Variants in LRP12 observed in about 807,000 individuals in gnomAD.
LRP12 encodes the protein low-density lipoprotein receptor-related protein 12.
A neutral mutation model predicts 66.0 loss-of-function variants in LRP12; 14 were observed. The ratio of observed to expected loss-of-function variants is 0.21; its 90% CI spans 0.14 to 0.33. The LOEUF is 0.33. LRP12 is among the 10% of genes least tolerant of loss of function. The probability of loss-of-function intolerance (pLI) is 1.00; values close to 1 mark genes in which losing one functional copy is unlikely to be tolerated. For missense variants in LRP12, 889 were observed against 1,053.4 expected (o/e 0.84, Z 2.16); for synonymous variants, 357 against 359.1 (o/e 0.99, Z 0.07).
chr8:104,546,358 T>C (rs1181001782), intron 1 of LRP12, among the ~76,000 whole-genome samples: 4 of 152,088 alleles, frequency 2.6e-5, no homozygotes, highest in Non-Finnish European at 5.9e-5. Context: ...ACACAAAACA[T>C]TTCCATAACC....
Position 104,497,646 on chromosome 8 carries a change from A to G in LRP12, c.906T>C (p.Thr302=). 1 of 1,614,188 alleles carries G rather than the reference A, an allele frequency of 6.2e-7. No individual in the cohort carries two copies. Among genetic ancestry groups the G allele is most frequent in the Middle Eastern group, 1.6e-4 (1 of 6,062 alleles). Residue 302 remains threonine (T), a synonymous_variant, in exon 5 of 7, where the codon ACT becomes ACC. Transcript: ENST00000276654. This position sits in a 1 kb window ranked among gnomAD's most constrained non-coding sequence, Gnocchi z 4.3. ...AACCAGTACCATCAAGTTTAAAGTC[A>G]GTGAAGCGTAAAATGACTTTACGGT... ...GDHRKVILRF[T]DFKLDGTGYG...
chr8:104,498,407 A>G (rs1465095100), intron 4 of LRP12, among the ~76,000 whole-genome samples: 2 of 150,578 alleles, frequency 1.3e-5, no homozygotes, highest in Non-Finnish European at 1.5e-5. Context: ...GCCACAATAA[A>G]TCTGGGGCCT....
chr8:104,494,667 T>G (rs956993296), intron 6 of LRP12, among the ~76,000 whole-genome samples: 2 of 152,170 alleles, frequency 1.3e-5, no homozygotes, highest in Non-Finnish European at 2.9e-5. Flanking sequence ...AAGATGTTTT[T>G]CCTGAGGTAG....
At chr8:104,512,050 A>G (rs1811007324) in intron 2 of LRP12, among the ~76,000 whole-genome samples, 1 of 152,192 alleles carries the variant, frequency 6.6e-6, no homozygotes, top group South Asian at 2.1e-4. Flanking sequence ...GTTTTCTTCC[A>G]CTTTACTCTG....
intron 1 of LRP12, among the ~76,000 whole-genome samples, chr8:104,583,080 G>A (rs2140902206): frequency 6.6e-6 from 1 of 152,144 alleles, no homozygotes; most frequent in East Asian, 1.9e-4. Flanking sequence ...CCAAGCTCCT[G>A]TTATCTCTCA....
At chr8:104,581,460 T>C (rs1315192662) in intron 1 of LRP12, among the ~76,000 whole-genome samples, 3 of 151,980 alleles carry the variant, frequency 2.0e-5, no homozygotes, top group Admixed American at 6.6e-5. Flanking sequence ...GTAATAATTG[T>C]GTACAACAAA....
chr8:104,519,130 T>C (rs1258196663), intron 2 of LRP12, among the ~76,000 whole-genome samples: 4 of 152,102 alleles, frequency 2.6e-5, no homozygotes, highest in African/African-American at 9.7e-5. Flanking sequence ...GTCCTCTTCC[T>C]GTATCTTGAC....
intron 1 of LRP12, among the ~76,000 whole-genome samples, chr8:104,556,085 T>C (rs994762180): frequency 5.9e-5 from 9 of 152,080 alleles, no homozygotes; most frequent in African/African-American, 1.9e-4. Flanking sequence ...GAAATCAAGA[T>C]GGAAATTTAA....
chr8:104,544,026 T>G (rs79852994), intron 1 of LRP12, among the ~76,000 whole-genome samples: 3,639 of 152,272 alleles, frequency 0.024, 107 homozygotes, highest in African/African-American at 0.065. Flanking sequence ...AAGTTGTGTA[T>G]GCAAAAGAAA....
At chr8:104,542,994 A>AATATAAATATATATATATATAT (rs544043214) in intron 1 of LRP12, among the ~76,000 whole-genome samples, 10 of 144,114 alleles carry the variant, frequency 6.9e-5, no homozygotes, top group African/African-American at 2.3e-4. Context: ...AACACACACA[A>AATATAAATATATATATATATAT]ATATATATAT....
At chr8:104,564,284 TA>T (rs1168044457) in intron 1 of LRP12, among the ~76,000 whole-genome samples, 2 of 152,172 alleles carry the variant, frequency 1.3e-5, no homozygotes, top group Non-Finnish European at 2.9e-5. Flanking sequence ...AGGGATCTGT[TA>T]AAATGAAGAT....
At chr8:104,544,904 G>A (rs908743668) in intron 1 of LRP12, among the ~76,000 whole-genome samples, 1 of 152,102 alleles carries the variant, frequency 6.6e-6, no homozygotes, top group African/African-American at 2.4e-5. Flanking sequence ...CTATTATTTA[G>A]GAAACACATT....
Position 104,588,961 on chromosome 8 carries a change from A to ACGCCGCCGCCGCCGCCGC in LRP12, c.-65_-64insGCGGCGGCGGCGGCGGCG, listed in dbSNP as rs1408393432. 2.1e-6 allele frequency: 2 copies of ACGCCGCCGCCGCCGCCGC among 963,692 alleles called. No homozygotes were observed. The highest frequency in any genetic ancestry group is 6.9e-5 in the Admixed American group (2 of 28,910). 59.7% of individuals were successfully genotyped at this position (963,692 alleles called of 1,614,324 possible). A position where few individuals can be genotyped will look rare whatever the true frequency, so the allele number is the denominator to read the frequency against. ...AGGAGGGAGGAGAAGCTGGAGGTAGACGACGCCGACGCCGCCGCCGCCGCC... is the reference window on the plus strand; with the variant it reads ...AGGAGGGAGGAGAAGCTGGAGGTAGACGCCGCCGCCGCCGCCGCCGACGCCGACGCCGCCGCCGCCGCC... On this transcript the variant is annotated 5_prime_UTR_variant, in exon 1 of 7. Transcript: ENST00000276654.
chr8:104,553,376 T>C (rs1221277853), intron 1 of LRP12, among the ~76,000 whole-genome samples: 3 of 152,126 alleles, frequency 2.0e-5, no homozygotes, highest in African/African-American at 7.2e-5. Flanking sequence ...ACCGGCTGCC[T>C]GGAAATAAAC....
intron 4 of LRP12, among the ~76,000 whole-genome samples, chr8:104,498,693 G>A (rs931523476): frequency 2.8e-4 from 43 of 152,174 alleles, no homozygotes; most frequent in African/African-American, 9.7e-4. Flanking sequence ...ATCAACGTAT[G>A]TGTGTATGTA....
At chr8:104,525,828 C>A (rs1356670260) in intron 2 of LRP12, among the ~76,000 whole-genome samples, 1 of 152,084 alleles carries the variant, frequency 6.6e-6, no homozygotes, top group South Asian at 2.1e-4. Flanking sequence ...GAAATTCTGG[C>A]CAGGGCAATT....
rs145108793 is a variant in LRP12, at chr8:104,511,517, CT to C, written c.137-2444del. Among the ~76,000 whole-genome samples, 19 of 151,808 alleles carry C rather than the reference CT, an allele frequency of 1.3e-4. No individual in the cohort carries two copies. The East Asian group carries it at 3.5e-3, about 28-fold the overall frequency. On this transcript the variant is annotated intron_variant, in intron 2 of 6. Transcript: ENST00000276654. ...AAGAGCATGCCACCATGCATGGCAA[CT>C]TTTTTTTGTTTTTGTTTTTGTTTTC... is the stretch of plus-strand genomic sequence containing the variant.
chr8:104,563,439 T>A (rs1332251832), intron 1 of LRP12, among the ~76,000 whole-genome samples: 1 of 152,144 alleles, frequency 6.6e-6, no homozygotes, highest in Non-Finnish European at 1.5e-5. Flanking sequence ...TACTATATTA[T>A]ATATTTGTTA....
chr8:104,543,829 G>A (rs1645960903), intron 1 of LRP12, among the ~76,000 whole-genome samples: 1 of 152,166 alleles, frequency 6.6e-6, no homozygotes, highest in Non-Finnish European at 1.5e-5. Flanking sequence ...GGGAGAGGCA[G>A]TAGAATCACC....
Sources: allele counts gnomAD v4.1 joint callset (sites outside exome capture counted in the v4.1 genomes callset), GRCh38; gene constraint gnomAD v4.1.1; non-coding constraint Gnocchi (gnomAD v3.1); transcripts MANE v1.5; gene names NCBI Gene and HGNC (gene_info 2026-07-23, HGNC 2026-07-21).